LRRC37A: variants seen among roughly 807,000 people sequenced by gnomAD.
LRRC37A encodes leucine-rich repeat-containing protein 37A.
Under a neutral mutation model 35.4 loss-of-function variants are expected in LRRC37A, and 3 were observed. The ratio of observed to expected loss-of-function variants is 0.08; its 90% CI spans 0.04 to 0.22. The LOEUF (loss-of-function observed/expected upper bound fraction) is 0.22. LRRC37A is among the 10% of genes least tolerant of loss of function. The pLI, the probability that LRRC37A is intolerant of heterozygous loss-of-function variation, is 1.00. For missense variants in LRRC37A, 67 were observed against 565.3 expected, an observed-to-expected ratio of 0.12 and a Z score of 8.94; for synonymous variants, 23 against 215.0, an observed-to-expected ratio of 0.11 and a Z score of 7.81.
chr17:46,252,590 G>A, the LRRC37A span, among the ~76,000 whole-genome samples: 5 of 149,364 alleles, frequency 3.3e-5, no homozygotes, highest in Non-Finnish European at 6.0e-5. Context: ...GGAGCATGCT[G>A]CCTTCAAGCA....
At chr17:46,253,113 G>C in the LRRC37A span, among the ~76,000 whole-genome samples, 1 of 147,968 alleles carries the variant, frequency 6.8e-6, no homozygotes, top group Non-Finnish European at 1.5e-5. Flanking sequence ...TTCTCAGATG[G>C]GGCGGCCGGG....
the LRRC37A span, among the ~76,000 whole-genome samples, chr17:46,280,543 T>A: frequency 6.6e-6 from 1 of 151,526 alleles, no homozygotes; most frequent in Admixed American, 6.6e-5. Flanking sequence ...AAGAAAAAAA[T>A]TTGTTTCCTT....
chr17:46,250,730 C>T, the LRRC37A span, among the ~76,000 whole-genome samples: 1 of 152,198 alleles, frequency 6.6e-6, no homozygotes, highest in South Asian at 2.1e-4. Flanking sequence ...AATTCTGTCC[C>T]TCTAGAGAAC....
At chr17:46,262,639 C>A in the LRRC37A span, among the ~76,000 whole-genome samples, 12 of 152,192 alleles carry the variant, frequency 7.9e-5, no homozygotes, top group South Asian at 1.2e-3. Flanking sequence ...TCTCCTTGTA[C>A]TTTTGTGAGA....
chr17:46,254,206 G>C, the LRRC37A span, among the ~76,000 whole-genome samples: 1 of 151,858 alleles, frequency 6.6e-6, no homozygotes, highest in African/African-American at 2.4e-5. Context: ...TCCAGGAACC[G>C]AGGAGAGGAG....
At chr17:46,254,827 C>T in the LRRC37A span, among the ~76,000 whole-genome samples, 4 of 151,616 alleles carry the variant, frequency 2.6e-5, no homozygotes, top group African/African-American at 4.9e-5. Context: ...CATAAGCCAC[C>T]GCGCCTGTTT....
At chr17:46,269,063 T>C in the LRRC37A span, among the ~76,000 whole-genome samples, 1 of 152,266 alleles carries the variant, frequency 6.6e-6, no homozygotes, top group East Asian at 1.9e-4. Flanking sequence ...ACAACTTTTA[T>C]ATCATGTATC....
chr17:46,271,729 A>G, the LRRC37A span, among the ~76,000 whole-genome samples: 1 of 152,234 alleles, frequency 6.6e-6, no homozygotes, highest in Non-Finnish European at 1.5e-5. Flanking sequence ...GGAATATAAA[A>G]AGGTAATTAT....
At chr17:46,283,901 G>A in the LRRC37A span, among the ~76,000 whole-genome samples, 9,823 of 150,430 alleles carry the variant, frequency 0.065, 275 homozygotes, top group Middle Eastern at 0.1. Context: ...TCATAGACAA[G>A]GTAAAGAATT....
the LRRC37A span, among the ~76,000 whole-genome samples, chr17:46,263,670 C>A: frequency 6.7e-6 from 1 of 149,848 alleles, no homozygotes; most frequent in African/African-American, 2.5e-5. Flanking sequence ...GCCTGACCAA[C>A]ATGGAGAAAC....
At chr17:46,266,873 A>G in the LRRC37A span, among the ~76,000 whole-genome samples, 2 of 147,878 alleles carry the variant, frequency 1.4e-5, no homozygotes, top group Non-Finnish European at 1.5e-5. Context: ...CGGGCCCGCG[A>G]CGGAGGAAGC....
the LRRC37A span, among the ~76,000 whole-genome samples, chr17:46,255,192 C>T: frequency 6.6e-6 from 1 of 152,066 alleles, no homozygotes; most frequent in Non-Finnish European, 1.5e-5. Flanking sequence ...TGCTCTGGAA[C>T]TCCTGGGCTC....
chr17:46,256,300 G>A, the LRRC37A span, among the ~76,000 whole-genome samples: 4 of 152,034 alleles, frequency 2.6e-5, no homozygotes, highest in Admixed American at 6.6e-5. Context: ...TGGGAGAATC[G>A]CTTGAACCCA....
At chr17:46,266,297 C>T in the LRRC37A span, among the ~76,000 whole-genome samples, 3 of 152,282 alleles carry the variant, frequency 2.0e-5, no homozygotes, top group African/African-American at 7.2e-5. Flanking sequence ...ACTTGTCACC[C>T]CACCCTCTGC....
chr17:46,289,114 G>A (rs2049998707), upstream of LRRC37A, among the ~76,000 whole-genome samples: 2 of 152,166 alleles, frequency 1.3e-5, no homozygotes, highest in Admixed American at 1.3e-4. Context: ...ATTACCCTAG[G>A]GACAAACCCA....
At chr17:46,275,568 T>A in the LRRC37A span, 1 of 499,082 alleles carries the variant, frequency 2.0e-6, no homozygotes, top group East Asian at 6.6e-5. Flanking sequence ...GATTAAGAAA[T>A]TTTTAACCTA....
chr17:46,258,898 T>A, the LRRC37A span, among the ~76,000 whole-genome samples: 1 of 151,342 alleles, frequency 6.6e-6, no homozygotes, highest in South Asian at 2.1e-4. Flanking sequence ...TTTTGTATTT[T>A]TAGTAGAGAC....
At chr17:46,279,849 A>G in the LRRC37A span, among the ~76,000 whole-genome samples, 10 of 152,004 alleles carry the variant, frequency 6.6e-5, no homozygotes, top group African/African-American at 2.4e-4. Flanking sequence ...ATTGCCTTTC[A>G]TTTTTATCCC....
chr17:46,274,011 C>A, the LRRC37A span, among the ~76,000 whole-genome samples: 1 of 152,182 alleles, frequency 6.6e-6, no homozygotes, highest in Non-Finnish European at 1.5e-5. Flanking sequence ...GATTAGCACC[C>A]CTGAAGATTC....
Sources: gnomAD v4.1 joint callset for allele counts (sites outside exome capture counted in the v4.1 genomes callset) on GRCh38, gnomAD v4.1.1 for gene constraint, MANE v1.5 for transcripts, NCBI Gene and HGNC (gene_info 2026-07-23, HGNC 2026-07-21) for gene names.